The following GCH1 variants were observed in gnomAD, a reference collection of about 807,000 sequenced individuals.
GCH1 encodes GTP cyclohydrolase I.
Under a neutral mutation model 25.9 loss-of-function variants are expected in GCH1, and 5 were observed. The ratio of observed to expected loss-of-function variants is 0.19; its 90% CI spans 0.10 to 0.41. The LOEUF is 0.41. Ranked by LOEUF, GCH1 falls within the 10% of genes least tolerant of loss-of-function variation. The probability of loss-of-function intolerance (pLI) is 1.00; values close to 1 mark genes in which losing one functional copy is unlikely to be tolerated. For missense variants in GCH1, 261 were observed against 336.5 expected, an observed-to-expected ratio of 0.78 and a Z score of 1.75; for synonymous variants, 159 against 129.6, an observed-to-expected ratio of 1.23 and a Z score of -1.54.
chr14:54,853,331 C>G (rs539874799), intron 3 of GCH1, among the ~76,000 whole-genome samples: 56 of 152,304 alleles, frequency 3.7e-4, no homozygotes, highest in African/African-American at 1.3e-3. Context: ...AGTACTAATT[C>G]TGATCCCAAA....
At chr14:54,873,578 T>C (rs2040113140) in intron 1 of GCH1, among the ~76,000 whole-genome samples, 1 of 151,610 alleles carries the variant, frequency 6.6e-6, no homozygotes, top group Admixed American at 6.6e-5. Flanking sequence ...AAAAGATCAA[T>C]AAAATTGATA....
At chr14:54,896,588 C>T (rs181498217) in intron 1 of GCH1, among the ~76,000 whole-genome samples, 1 of 151,972 alleles carries the variant, frequency 6.6e-6, no homozygotes, top group Non-Finnish European at 1.5e-5. Flanking sequence ...AGCCAGTGCA[C>T]ACACACACAA....
intron 1 of GCH1, among the ~76,000 whole-genome samples, chr14:54,893,143 C>A (rs1406634304): frequency 6.6e-6 from 1 of 152,190 alleles, no homozygotes; most frequent in African/African-American, 2.4e-5. Context: ...TGAATGTCCT[C>A]TTGGCCTTGA....
At chr14:54,888,423 CACCT>C (rs2040380696) in intron 1 of GCH1, among the ~76,000 whole-genome samples, 1 of 152,194 alleles carries the variant, frequency 6.6e-6, no homozygotes, top group Non-Finnish European at 1.5e-5. Context: ...TCAAGTGACT[CACCT>C]ACCTAAGTTC....
intron 1 of GCH1, chr14:54,885,116 C>A: frequency 3.4e-6 from 1 of 290,540 alleles, no homozygotes; most frequent in Admixed American, 3.8e-5. Context: ...TCAGTACAAA[C>A]TCTGCCAGTG....
intron 2 of GCH1, among the ~76,000 whole-genome samples, chr14:54,864,852 G>A (rs1217840150): frequency 6.6e-6 from 1 of 152,112 alleles, no homozygotes; most frequent in African/African-American, 2.4e-5. Flanking sequence ...AGAAAGGAAT[G>A]GAAACAAATC....
intron 3 of GCH1, among the ~76,000 whole-genome samples, chr14:54,855,505 CAA>C (rs764999718): frequency 0.14 from 5,168 of 35,902 alleles, 99 homozygotes; most frequent in Non-Finnish European, 0.18. Context: ...GACCCTGTCT[CAA>C]AAAAAAAAAA....
intron 1 of GCH1, chr14:54,885,909 AAC>A: frequency 3.1e-5 from 6 of 191,064 alleles, no homozygotes; most frequent in South Asian, 1.8e-4. Flanking sequence ...CAACAACAAC[AAC>A]AAAAAAAAAC....
intron 1 of GCH1, among the ~76,000 whole-genome samples, chr14:54,882,695 A>G (rs1469169270): frequency 1.3e-5 from 2 of 152,192 alleles, no homozygotes; most frequent in African/African-American, 4.8e-5. Flanking sequence ...CAATCTGATT[A>G]AACTATCCAT....
At chr14:54,896,641 G>A (rs561713460) in intron 1 of GCH1, among the ~76,000 whole-genome samples, 24 of 152,026 alleles carry the variant, frequency 1.6e-4, no homozygotes, top group African/African-American at 4.1e-4. Context: ...GGCCGGGAGC[G>A]GTGGCTCACG....
At chr14:54,873,253 A>G (rs2040107940) in intron 1 of GCH1, among the ~76,000 whole-genome samples, 1 of 152,214 alleles carries the variant, frequency 6.6e-6, no homozygotes, top group Non-Finnish European at 1.5e-5. Flanking sequence ...TACTGGGTAC[A>G]TAACGAAATG....
intron 1 of GCH1, among the ~76,000 whole-genome samples, chr14:54,900,177 A>G (rs1202341827): frequency 6.9e-6 from 1 of 144,358 alleles, no homozygotes; most frequent in African/African-American, 2.6e-5. Flanking sequence ...TGGACTTTTT[A>G]AATAGTAAAA....
intron 5 of GCH1, among the ~76,000 whole-genome samples, chr14:54,845,377 C>G (rs1420688225): frequency 6.6e-6 from 1 of 151,322 alleles, no homozygotes; most frequent in Non-Finnish European, 1.5e-5. Flanking sequence ...ACTCGGGAGG[C>G]TGAGGCAGGA....
At chr14:54,859,659 T>C (rs1419718911) in intron 3 of GCH1, 22 bp downstream of exon 3, 4 of 1,444,254 alleles carry the variant, frequency 2.8e-6, no homozygotes, top group Non-Finnish European at 3.9e-6. Context: ...TGTATTCTTG[T>C]TCACTGCACA....
chr14:54,863,210 G>T (rs2039932523), intron 2 of GCH1, among the ~76,000 whole-genome samples: 1 of 151,856 alleles, frequency 6.6e-6, no homozygotes, highest in Non-Finnish European at 1.5e-5. Flanking sequence ...ACGAGGTCAG[G>T]AGATCAAGAC....
At chr14:54,871,737 A>G (rs897135078) in intron 1 of GCH1, among the ~76,000 whole-genome samples, 4 of 152,256 alleles carry the variant, frequency 2.6e-5, no homozygotes, top group African/African-American at 9.6e-5. Context: ...AACTGGAAGA[A>G]AGGGTATCAG....
At position 54,867,584 on chromosome 14, in the gene GCH1, C is replaced by T. The variant is rs577992473; in HGVS notation, c.344-2148G>A. ...GCCTGGGCAAGAGAGAACAAGACTCCGTCTCAAAAAAAAAAAAAAAAAAAA... is the reference window on the plus strand; with the variant it reads ...GCCTGGGCAAGAGAGAACAAGACTCTGTCTCAAAAAAAAAAAAAAAAAAAA... On this transcript the variant is annotated intron_variant, in intron 1 of 5. Transcript: ENST00000491895. Among the ~76,000 whole-genome samples, 6 of 75,722 alleles carry T rather than the reference C, an allele frequency of 7.9e-5. No homozygotes were observed. The South Asian group carries it at 2.5e-3, about 32-fold the overall frequency. 49.7% of individuals were successfully genotyped at this position (75,722 alleles called of 152,430 possible).
At chr14:54,884,692 C>T (rs1474736003) in intron 1 of GCH1, among the ~76,000 whole-genome samples, 5 of 140,830 alleles carry the variant, frequency 3.6e-5, no homozygotes, top group Non-Finnish European at 6.2e-5. Flanking sequence ...ATCGCTTGAA[C>T]CCAGAAGACA....
At chr14:54,869,256 G>C (rs1053318941) in intron 1 of GCH1, among the ~76,000 whole-genome samples, 2 of 151,868 alleles carry the variant, frequency 1.3e-5, no homozygotes, top group African/African-American at 4.8e-5. Context: ...GGCCAGGCTG[G>C]TCTCGAACTC....
Sources: allele counts gnomAD v4.1 joint callset (sites outside exome capture counted in the v4.1 genomes callset), GRCh38; gene constraint gnomAD v4.1.1; transcripts MANE v1.5; gene names NCBI Gene and HGNC (gene_info 2026-07-23, HGNC 2026-07-21).